The following EMSY variants were observed in gnomAD, a reference collection of about 807,000 sequenced individuals.
EMSY encodes BRCA2-interacting transcriptional repressor EMSY.
In EMSY, 26 loss-of-function variants were observed where a neutral mutation model predicts 134.6. The observed-to-expected ratio is 0.19, with a 90% CI of 0.14 to 0.27. The LOEUF (loss-of-function observed/expected upper bound fraction) is 0.27, where lower values mean the gene tolerates loss of function less well. EMSY is among the 10% of genes least tolerant of loss of function. The probability of loss-of-function intolerance (pLI) is 1.00; values close to 1 mark genes in which losing one functional copy is unlikely to be tolerated. For missense variants in EMSY, 1,305 were observed against 1,611.4 expected, an observed-to-expected ratio of 0.81 and a Z score of 3.26; for synonymous variants, 579 against 577.8, an observed-to-expected ratio of 1.00 and a Z score of -0.03.
intron 20 of EMSY, among the ~76,000 whole-genome samples, chr11:76,547,465 A>AAAT (rs1951694036): frequency 6.6e-6 from 1 of 152,196 alleles, no homozygotes; most frequent in Non-Finnish European, 1.5e-5. Context: ...TTTCCCCTGA[A>AAAT]GAGGTAAGGT....
chr11:76,521,528 T>G (rs1375196718), intron 11 of EMSY, among the ~76,000 whole-genome samples: 1 of 152,024 alleles, frequency 6.6e-6, no homozygotes, highest in African/African-American at 2.4e-5. Context: ...TTTGGGAGGC[T>G]GAAGCAGGAG....
exon 2 of EMSY, chr11:76,446,967 A>G (rs1208086390): frequency 1.2e-6 from 2 of 1,613,502 alleles, no homozygotes; most frequent in Non-Finnish European, 1.7e-6. Flanking sequence ...ACCCTTCTGG[A>G]TCTCAGCAGG....
chr11:76,453,043 T>C (rs1947730622), intron 3 of EMSY, among the ~76,000 whole-genome samples: 1 of 152,212 alleles, frequency 6.6e-6, no homozygotes, highest in Admixed American at 6.5e-5. Flanking sequence ...TTCTGAGATT[T>C]GGAAGTAATA....
intron 7 of EMSY, among the ~76,000 whole-genome samples, chr11:76,470,666 TATC>T (rs944060863): frequency 2.0e-5 from 3 of 152,110 alleles, no homozygotes; most frequent in Non-Finnish European, 4.4e-5. Flanking sequence ...TCTTGCCTCT[TATC>T]ATGTAGCAGC....
chr11:76,459,369 A>G (rs1349832049), intron 5 of EMSY: 2 of 152,712 alleles, frequency 1.3e-5, no homozygotes, highest in African/African-American at 4.8e-5. Flanking sequence ...ACCTATTCTT[A>G]CTGTTGTTTA....
intron 8 of EMSY, among the ~76,000 whole-genome samples, chr11:76,473,250 A>C (rs1383256748): frequency 6.6e-6 from 1 of 152,162 alleles, no homozygotes; most frequent in Non-Finnish European, 1.5e-5. Context: ...AGGAGGAAGA[A>C]GATGGTTTCA....
At chr11:76,470,253 T>C (rs1948519065) in intron 7 of EMSY, among the ~76,000 whole-genome samples, 2 of 152,196 alleles carry the variant, frequency 1.3e-5, no homozygotes, top group Non-Finnish European at 2.9e-5. Context: ...GTTTTTCTTT[T>C]CTAGCTAGGT....
intron 7 of EMSY, 136 bp downstream of exon 8, chr11:76,464,216 A>C: frequency 1.8e-6 from 2 of 1,121,002 alleles, no homozygotes; most frequent in Non-Finnish European, 2.5e-6. Flanking sequence ...ACTTTGTTTA[A>C]TTTTCCAGAT....
chr11:76,468,084 C>A (rs1190380753), intron 7 of EMSY, among the ~76,000 whole-genome samples: 2 of 151,828 alleles, frequency 1.3e-5, no homozygotes, highest in Non-Finnish European at 2.9e-5. Context: ...GTGGACTTAG[C>A]TAAAAATACG....
At chr11:76,538,504 G>A (rs1337781462) in intron 16 of EMSY, among the ~76,000 whole-genome samples, 3 of 152,026 alleles carry the variant, frequency 2.0e-5, no homozygotes, top group Non-Finnish European at 4.4e-5. Context: ...CAAGAGATCC[G>A]TCCACCTTGG....
chr11:76,544,845 C>T (rs747251546), intron 19 of EMSY, 23 bp downstream of exon 20: 76 of 1,561,116 alleles, frequency 4.9e-5, no homozygotes, highest in Non-Finnish European at 6.3e-5. Context: ...TGATAGCATG[C>T]AAAGTTAAAC....
At chr11:76,470,851 T>C (rs1565289254) in intron 7 of EMSY, among the ~76,000 whole-genome samples, 2 of 152,162 alleles carry the variant, frequency 1.3e-5, no homozygotes, top group African/African-American at 2.4e-5. Context: ...ACTGCTTTCT[T>C]TTCTGTTTTT....
chr11:76,547,893 C>CTAG (rs1180691586), intron 20 of EMSY, among the ~76,000 whole-genome samples: 1 of 152,142 alleles, frequency 6.6e-6, no homozygotes, highest in Non-Finnish European at 1.5e-5. Context: ...GTCCCATGTG[C>CTAG]TAGGTGTGCT....
rs1555077830 is a variant in EMSY at position 76,542,753 on chromosome 11, G to GT, written c.2709+401dup. On this transcript the variant is annotated intron_variant, in intron 18 of 20. Transcript: ENST00000334736. ...GTTTGTAGTTTGTTTTTCGTTTTTTGTTTTTTTTTTTTTTTGCTTTTATAA... is the reference window on the plus strand; with the variant it reads ...GTTTGTAGTTTGTTTTTCGTTTTTTGTTTTTTTTTTTTTTTTGCTTTTATAA... Among the ~76,000 whole-genome samples, 822 of 109,180 alleles carry GT rather than the reference G, an allele frequency of 7.5e-3. 2 individuals carry two copies. The highest frequency in any genetic ancestry group is 0.024 in the East Asian group (89 of 3,754). 71.6% of individuals were successfully genotyped at this position (109,180 alleles called of 152,430 possible). A position where few individuals can be genotyped will look rare whatever the true frequency, so the allele number is the denominator to read the frequency against.
Position 76,523,093 on chromosome 11 carries a change from C to G in EMSY, c.1685-62C>G, listed in dbSNP as rs1181339482. 8 of 1,504,824 alleles carry G rather than the reference C, an allele frequency of 5.3e-6. No individual in the cohort carries two copies. In the African/African-American group the frequency reaches 5.6e-5, roughly 11 times the overall value. The allele number at this position is 1,504,824 out of a possible 1,614,324, so 93.2% of individuals were successfully genotyped here. On this transcript the variant is annotated intron_variant, in intron 11 of 20. Coordinates refer to ENST00000334736, the Ensembl canonical transcript of EMSY. ...ATGTACTAATTGTGTATAATATAAA[C>G]AAAAATAACCAAGTATCTCTAGTCC...
At chr11:76,473,302 C>G (rs550358067) in intron 8 of EMSY, among the ~76,000 whole-genome samples, 2 of 151,508 alleles carry the variant, frequency 1.3e-5, no homozygotes, top group South Asian at 4.2e-4. Context: ...CTACATTTTT[C>G]TTTTCTTTTT....
In EMSY at chr11:76,551,187, AGTTT is replaced by A. The variant is rs1401569998; in HGVS notation, c.*1046_*1049del. The A allele has an allele frequency of 2.0e-5, 3 of 151,612 alleles. No individual in the cohort carries two copies. In the South Asian group the frequency reaches 6.2e-4, roughly 32 times the overall value. 9.4% of individuals were successfully genotyped at this position (151,612 alleles called of 1,614,324 possible). ...TAAGCCTTCTATCTTTTTAGGACAC[AGTTT>A]GTTTAAGCAATATGTTTTGGTCTTG... is the stretch of plus-strand genomic sequence containing the variant. On this transcript the variant is annotated 3_prime_UTR_variant, in exon 21 of 21. Coordinates refer to ENST00000334736, the Ensembl canonical transcript of EMSY.
intron 9 of EMSY, among the ~76,000 whole-genome samples, chr11:76,497,544 T>G (rs1045986228): frequency 6.6e-6 from 1 of 152,282 alleles, no homozygotes. Context: ...TATGGGACTT[T>G]TCAGATTATC....
chr11:76,505,962 G>A (rs1029012796), intron 9 of EMSY, among the ~76,000 whole-genome samples: 1 of 151,854 alleles, frequency 6.6e-6, no homozygotes, highest in Non-Finnish European at 1.5e-5. Flanking sequence ...CCAGGTGTTC[G>A]ACACCAGTCT....
Sources: gnomAD v4.1 joint callset for allele counts (sites outside exome capture counted in the v4.1 genomes callset) on GRCh38, gnomAD v4.1.1 for gene constraint, MANE v1.5 for transcripts, NCBI Gene and HGNC (gene_info 2026-07-23, HGNC 2026-07-21) for gene names.